PLAT: variants seen among roughly 807,000 people sequenced by gnomAD.
PLAT encodes plasminogen activator, tissue type.
A neutral mutation model predicts 74.9 loss-of-function variants in PLAT; 48 were observed. The observed-to-expected ratio is 0.64, with a 90% CI of 0.51 to 0.82. The LOEUF (loss-of-function observed/expected upper bound fraction) is 0.82, where lower values mean the gene tolerates loss of function less well. Among genes scored for constraint, PLAT ranks in the 40% least tolerant of loss-of-function variants. The pLI is 0.00. For synonymous variants in PLAT, 307 were observed against 294.4 expected, an observed-to-expected ratio of 1.04 and a Z score of -0.44; for missense variants, 673 against 736.2, an observed-to-expected ratio of 0.91 and a Z score of 0.99.
chr8:42,178,981 A>T lies in PLAT; in HGVS notation c.1446T>A (p.Leu482=), dbSNP rs1805093130. The change falls in exon 13 of 14, where the codon CTT becomes CTA. Residue 482 remains leucine (L), a synonymous_variant. Coordinates refer to ENST00000220809, the MANE Select transcript of PLAT (RefSeq NM_000930.5). The stretch of plus-strand genomic sequence containing the variant: ...GCATGTTGTCGGTGACTGTTCTGTT[A>T]AGTAAATGTTGTGATGTGCAGCGGC... The part of the protein sequence containing the change: ...PSSRCTSQHL[L]NRTVTDNMLC... 1 of 1,614,042 alleles carries T rather than the reference A, an allele frequency of 6.2e-7. No homozygotes were observed. The highest frequency in any genetic ancestry group is 8.5e-7 in the Non-Finnish European group (1 of 1,179,924).
At chr8:42,185,906 G>T (rs1001162411) in intron 6 of PLAT, 2 of 152,176 alleles carry the variant, frequency 1.3e-5, no homozygotes, top group Non-Finnish European at 2.9e-5. Context: ...TCCTGAATAA[G>T]AAATTCTGCC....
intron 1 of PLAT, among the ~76,000 whole-genome samples, chr8:42,199,581 G>A (rs1462710230): frequency 6.6e-6 from 1 of 152,136 alleles, no homozygotes; most frequent in Non-Finnish European, 1.5e-5. Context: ...GCTACAGCAG[G>A]CATGTCCAGC....
At chr8:42,191,333 C>G (rs1163240342) in intron 3 of PLAT, 39 bp downstream of exon 3, 1 of 1,590,470 alleles carries the variant, frequency 6.3e-7, no homozygotes, top group East Asian at 2.2e-5. Flanking sequence ...CCCTGCCTCC[C>G]TCCCTGATGA....
At chr8:42,195,956 A>T (rs1244583738) in intron 1 of PLAT, among the ~76,000 whole-genome samples, 2 of 152,172 alleles carry the variant, frequency 1.3e-5, no homozygotes, top group Non-Finnish European at 2.9e-5. Context: ...AGCCCTCTCG[A>T]TAGGCTCCTG....
chr8:42,198,449 G>A (rs1020247720), intron 1 of PLAT, among the ~76,000 whole-genome samples: 2 of 152,306 alleles, frequency 1.3e-5, no homozygotes, highest in South Asian at 2.1e-4. Context: ...CCAAGATTGC[G>A]CTACTGCAGC....
chr8:42,182,896 A>C lies in PLAT; in HGVS notation c.632-6T>G. The C allele has an allele frequency of 6.2e-7, 1 of 1,605,520 alleles. No homozygotes were observed. The highest frequency in any genetic ancestry group is 8.5e-7 in the Non-Finnish European group (1 of 1,176,092). ...AAAGTAGCAGTCACTGTTTCCTAGAAGAAAAGAATTCTCAAACTGAAACAA... is the reference window on the plus strand; with the variant it reads ...AAAGTAGCAGTCACTGTTTCCTAGACGAAAAGAATTCTCAAACTGAAACAA... On this transcript the variant is annotated splice_polypyrimidine_tract_variant and splice_region_variant and intron_variant, in intron 7 of 13. Transcript: ENST00000220809.
At chr8:42,203,990 T>TACACAC (rs1476463301) in intron 1 of PLAT, among the ~76,000 whole-genome samples, 25 of 121,110 alleles carry the variant, frequency 2.1e-4, no homozygotes, top group African/African-American at 1.1e-3. Context: ...TATATATATA[T>TACACAC]ATACACACAC....
intron 1 of PLAT, among the ~76,000 whole-genome samples, chr8:42,197,335 T>C (rs941369348): frequency 2.0e-5 from 3 of 152,212 alleles, no homozygotes; most frequent in African/African-American, 7.2e-5. Context: ...GTGTTTGGTC[T>C]GTTGGCTGTA....
intron 9 of PLAT, chr8:42,180,905 C>T: frequency 1.9e-6 from 1 of 513,796 alleles, no homozygotes; most frequent in Admixed American, 3.8e-5. Context: ...TGGATTAGTT[C>T]CCAAGTATGT....
intron 12 of PLAT, 121 bp downstream of exon 12, chr8:42,179,805 T>C: frequency 1.0e-6 from 1 of 974,050 alleles, no homozygotes; most frequent in African/African-American, 1.9e-5. Context: ...GAGACGGGAC[T>C]GGCGTCAGTG....
At chr8:42,196,721 T>C (rs887367024) in intron 1 of PLAT, among the ~76,000 whole-genome samples, 1 of 151,642 alleles carries the variant, frequency 6.6e-6, no homozygotes, top group Non-Finnish European at 1.5e-5. Context: ...GGGTGAGAGA[T>C]GACATTGGCG....
Position 42,178,919 on chromosome 8 carries a change from G to T in PLAT, c.1508C>A (p.Ala503Glu), listed in dbSNP as rs776948300. Residue 503 changes from alanine to glutamate, a missense_variant, in exon 13 of 14, where the codon GCA becomes GAA. Physicochemically the swap from Ala to Glu is moderately radical, Grantham distance 107. Transcript: ENST00000220809. ...AGDTRSGGPQANLHDACQGDS... is the reference protein window; with the variant it reads ...AGDTRSGGPQENLHDACQGDS... ...TACCTGGCAGGCGTCGTGCAAGTTT[G>T]CCTGGGGCCCGCCGCTCCGAGTGTC... 1 of 1,613,550 alleles carries T rather than the reference G, an allele frequency of 6.2e-7. No homozygotes were observed.
intron 1 of PLAT, chr8:42,195,618 G>A (rs1295505444): frequency 2.6e-5 from 4 of 152,128 alleles, no homozygotes; most frequent in South Asian, 2.1e-4. Context: ...CAGGAGTGCG[G>A]GGTGGAATCT....
Position 42,174,978 on chromosome 8 carries a change from G to A in PLAT, c.*1015C>T, listed in dbSNP as rs192304968. ...AGATTCCCCAATCCCTCTTGCAACTGAATTCTACTACAAGTCTGCCCTTTT... is the reference window on the plus strand; with the variant it reads ...AGATTCCCCAATCCCTCTTGCAACTAAATTCTACTACAAGTCTGCCCTTTT... On this transcript the variant is annotated 3_prime_UTR_variant, in exon 14 of 14. Transcript: ENST00000220809. Among the ~76,000 whole-genome samples the A allele has an allele frequency of 6.6e-6, 1 of 152,152 alleles. No individual in the cohort carries two copies. The highest frequency in any genetic ancestry group is 6.5e-5 in the Admixed American group (1 of 15,280).
chr8:42,181,769 C>T (rs1327927015), intron 9 of PLAT, among the ~76,000 whole-genome samples, 168 bp downstream of exon 9: 1 of 145,486 alleles, frequency 6.9e-6, no homozygotes, highest in East Asian at 2.0e-4. Context: ...GTCATGGACA[C>T]CCGCCCACCC....
At chr8:42,178,753 G>A in intron 13 of PLAT, 144 bp downstream of exon 13, 1 of 711,560 alleles carries the variant, frequency 1.4e-6, no homozygotes, top group South Asian at 2.0e-5. Flanking sequence ...ATTCTGTGAG[G>A]CCCTCATCTA....
Position 42,185,084 on chromosome 8 carries a change from C to G in PLAT, c.628G>C (p.Glu210Gln), listed in dbSNP as rs745504184. 6.3e-6 allele frequency: 10 copies of G among 1,599,380 alleles called. No individual in the cohort carries two copies. Among genetic ancestry groups the G allele is most frequent in the Admixed American group, 5.2e-5 (3 of 57,406 alleles). ...SEFCSTPACSEGNSDCYFGNG... is the reference protein window; with the variant it reads ...SEFCSTPACSQGNSDCYFGNG... ...AGGCGGGGTGGCTGCCACTTACCCTCAGAGCAGGCAGGGGTGCTGCAGAAC... is the reference window on the plus strand; with the variant it reads ...AGGCGGGGTGGCTGCCACTTACCCTGAGAGCAGGCAGGGGTGCTGCAGAAC... Residue 210 changes from glutamate to glutamine, a missense_variant, in exon 7 of 14, where the codon GAG becomes CAG. Coordinates refer to ENST00000220809, the MANE Select transcript of PLAT (RefSeq NM_000930.5).
In PLAT at chr8:42,178,982, A is replaced by C. The variant is rs1367580786; in HGVS notation, c.1445T>G (p.Leu482Arg). 1 of 1,614,000 alleles carries C rather than the reference A, an allele frequency of 6.2e-7. No individual in the cohort carries two copies. The highest frequency in any genetic ancestry group is 8.5e-7 in the Non-Finnish European group (1 of 1,179,976). The change falls in exon 13 of 14, where the codon CTT becomes CGT. Residue 482 changes from leucine (L) to arginine (R), a missense_variant. By Grantham distance (102) the Leu-to-Arg change is moderately radical. Coordinates refer to ENST00000220809, the MANE Select transcript of PLAT (RefSeq NM_000930.5). Reference sequence around the variant, plus strand: ...CATGTTGTCGGTGACTGTTCTGTTAAGTAAATGTTGTGATGTGCAGCGGCT... The same window carrying C: ...CATGTTGTCGGTGACTGTTCTGTTACGTAAATGTTGTGATGTGCAGCGGCT... ...PSSRCTSQHL[L>R]NRTVTDNMLC... is the part of the protein sequence containing the mutation.
intron 9 of PLAT, 59 bp from the exon 10 acceptor site, chr8:42,180,744 T>C: frequency 1.5e-6 from 2 of 1,302,868 alleles, no homozygotes; most frequent in South Asian, 2.9e-5. Context: ...CGTGTGTAGG[T>C]AGAGTGAGGA....
Sources: gnomAD v4.1 joint callset for allele counts (sites outside exome capture counted in the v4.1 genomes callset) on GRCh38, gnomAD v4.1.1 for gene constraint, MANE v1.5 for transcripts, NCBI Gene and HGNC (gene_info 2026-07-23, HGNC 2026-07-21) for gene names.